The following CCDC178 variants were observed in gnomAD, a reference collection of about 807,000 sequenced individuals.
CCDC178 encodes the protein coiled-coil domain-containing protein 178.
In CCDC178, 126 loss-of-function variants were observed where a neutral mutation model predicts 117.4. That is an observed-to-expected ratio of 1.07 (90% CI 0.93 to 1.24). The LOEUF (loss-of-function observed/expected upper bound fraction) is 1.24. Among genes scored for constraint, CCDC178 ranks in the 50% most tolerant of loss-of-function variants. CCDC178 has a pLI of 0.00. For synonymous variants in CCDC178, 283 were observed against 313.4 expected (o/e 0.90, Z 1.02); for missense variants, 1,030 against 986.9 (o/e 1.04, Z -0.59).
chr18:33,402,658 T>C (rs917186096), intron 3 of CCDC178, among the ~76,000 whole-genome samples: 2 of 152,360 alleles, frequency 1.3e-5, no homozygotes, highest in Non-Finnish European at 2.9e-5. Context: ...TTCTGAGATA[T>C]GAGAATTTAC....
intron 21 of CCDC178, among the ~76,000 whole-genome samples, chr18:32,992,254 G>T: frequency 6.6e-6 from 1 of 151,678 alleles, no homozygotes; most frequent in East Asian, 1.9e-4. Context: ...ATGATATGTG[G>T]GATTATCAAA....
chr18:33,234,844 A>G (rs1307641728), intron 15 of CCDC178, among the ~76,000 whole-genome samples: 1 of 152,180 alleles, frequency 6.6e-6, no homozygotes, highest in African/African-American at 2.4e-5. Flanking sequence ...GCTATAAGGC[A>G]TAAATCCTTT....
At chr18:33,211,534 A>G (rs959600644) in intron 20 of CCDC178, among the ~76,000 whole-genome samples, 3 of 151,682 alleles carry the variant, frequency 2.0e-5, no homozygotes, top group Non-Finnish European at 4.4e-5. Flanking sequence ...GTTGGTAAAC[A>G]TTCAAAGTAT....
At chr18:33,101,287 A>G (rs1889409558) in intron 20 of CCDC178, among the ~76,000 whole-genome samples, 1 of 151,586 alleles carries the variant, frequency 6.6e-6, no homozygotes, top group South Asian at 2.1e-4. Flanking sequence ...ATTCTAAAAT[A>G]TATATTTTAA....
At chr18:33,207,669 TA>T (rs1050176086) in intron 20 of CCDC178, among the ~76,000 whole-genome samples, 3 of 151,660 alleles carry the variant, frequency 2.0e-5, no homozygotes, top group East Asian at 3.9e-4. Context: ...TCTAGGTAGT[TA>T]AAAAAATAAA....
chr18:33,387,271 G>T (rs894022417), intron 5 of CCDC178, among the ~76,000 whole-genome samples: 2 of 152,130 alleles, frequency 1.3e-5, no homozygotes, highest in African/African-American at 4.8e-5. Context: ...TCTTGAAAAT[G>T]ACCATAGTTC....
chr18:33,415,589 C>T (rs1304827163), intron 2 of CCDC178, among the ~76,000 whole-genome samples: 1 of 151,948 alleles, frequency 6.6e-6, no homozygotes, highest in African/African-American at 2.4e-5. Flanking sequence ...GGAGATATAC[C>T]TAATGTAAAT....
intron 12 of CCDC178, among the ~76,000 whole-genome samples, chr18:33,279,838 A>G (rs1480348133): frequency 6.6e-6 from 1 of 152,162 alleles, no homozygotes; most frequent in Non-Finnish European, 1.5e-5. Flanking sequence ...CCTGAGAAAA[A>G]CAAGCAATGG....
chr18:33,396,088 A>G (rs2063631781), intron 4 of CCDC178, among the ~76,000 whole-genome samples: 2 of 152,150 alleles, frequency 1.3e-5, no homozygotes. Flanking sequence ...TACACAAGAA[A>G]TTCCTAAAAA....
chr18:33,050,403 A>AT (rs1296209109), intron 21 of CCDC178, among the ~76,000 whole-genome samples: 1 of 152,206 alleles, frequency 6.6e-6, no homozygotes, highest in East Asian at 1.9e-4. Flanking sequence ...AATGGCAGAC[A>AT]TTTTTTAAAA....
chr18:33,260,960 G>A (rs1027412792), intron 14 of CCDC178, among the ~76,000 whole-genome samples: 1 of 151,794 alleles, frequency 6.6e-6, no homozygotes, highest in African/African-American at 2.4e-5. Context: ...TACATATTGA[G>A]CTCTATTGTT....
chr18:33,261,151 T>C (rs1478815704), intron 14 of CCDC178, among the ~76,000 whole-genome samples: 29 of 152,128 alleles, frequency 1.9e-4, no homozygotes, highest in Admixed American at 1.9e-3. Flanking sequence ...TGGCACGAGC[T>C]CGGCTCACTG....
chr18:33,424,396 T>C (rs80151540), intron 2 of CCDC178, among the ~76,000 whole-genome samples: 1,726 of 152,336 alleles, frequency 0.011, 36 homozygotes, highest in African/African-American at 0.039. Flanking sequence ...TACGTGGATG[T>C]GCCTTATTCA....
intron 20 of CCDC178, among the ~76,000 whole-genome samples, chr18:33,188,474 G>A (rs1179345888): frequency 2.0e-5 from 3 of 152,202 alleles, no homozygotes; most frequent in African/African-American, 7.2e-5. Context: ...AGCAGCAGAA[G>A]GCAAAAGAGG....
At chr18:33,146,702 G>T (rs553330395) in intron 20 of CCDC178, among the ~76,000 whole-genome samples, 13 of 152,252 alleles carry the variant, frequency 8.5e-5, no homozygotes, top group African/African-American at 3.1e-4. Flanking sequence ...GGGAAAAAGT[G>T]AAACAAAAGA....
intron 21 of CCDC178, among the ~76,000 whole-genome samples, chr18:33,008,997 C>A (rs1018979143): frequency 1.3e-5 from 2 of 152,046 alleles, no homozygotes; most frequent in African/African-American, 4.8e-5. Flanking sequence ...GTTTCTTTTG[C>A]CATTTAAGAC....
At chr18:33,351,187 G>A (rs902873911) in intron 7 of CCDC178, among the ~76,000 whole-genome samples, 2 of 92,666 alleles carry the variant, frequency 2.2e-5, no homozygotes, top group South Asian at 6.8e-4. Context: ...TGTGTGTATA[G>A]TTTTTGTTTG....
intron 6 of CCDC178, among the ~76,000 whole-genome samples, chr18:33,359,346 G>C (rs889046616): frequency 6.6e-6 from 1 of 151,652 alleles, no homozygotes; most frequent in Non-Finnish European, 1.5e-5. Context: ...CATTACCTTA[G>C]CAACTTTGTT....
chr18:33,207,911 C>T (rs1404857442), intron 20 of CCDC178, among the ~76,000 whole-genome samples: 1 of 151,948 alleles, frequency 6.6e-6, no homozygotes, highest in Non-Finnish European at 1.5e-5. Context: ...TCACCCATAT[C>T]CACGCCCCAT....
Sources: gnomAD v4.1 joint callset for allele counts (sites outside exome capture counted in the v4.1 genomes callset) on GRCh38, gnomAD v4.1.1 for gene constraint, MANE v1.5 for transcripts, NCBI Gene and HGNC (gene_info 2026-07-23, HGNC 2026-07-21) for gene names.